NSL1: variants seen among roughly 807,000 people sequenced by gnomAD.
NSL1 encodes the protein NSL1 component of MIS12 kinetochore complex.
A neutral mutation model predicts 25.4 loss-of-function variants in NSL1; 11 were observed. That is an observed-to-expected ratio of 0.43 (90% CI 0.27 to 0.72). NSL1 has a LOEUF of 0.72. Ranked by LOEUF, NSL1 falls within the 30% of genes least tolerant of loss-of-function variation. The pLI is 0.19. For missense variants in NSL1, 330 were observed against 342.7 expected (o/e 0.96, Z 0.29); for synonymous variants, 118 against 120.6 (o/e 0.98, Z 0.14).
rs1660583736 is a variant in NSL1 at position 212,779,486 on chromosome 1, C to G, written c.499+2886G>C. On this transcript the variant is annotated intron_variant, in intron 4 of 5. Transcript: ENST00000366977. The stretch of plus-strand genomic sequence containing the variant: ...GTGAGGAGCCCCTCTGCACGGCCAG[C>G]CGCCCCGTCCGGGAGGGAGGTGGGG... Among the ~76,000 whole-genome samples the G allele has an allele frequency of 2.4e-5, 3 of 126,970 alleles. No individual in the cohort carries two copies. In the South Asian group the frequency reaches 7.9e-4, roughly 34 times the overall value. The allele number at this position is 126,970 out of a possible 152,430, so 83.3% of individuals were successfully genotyped here. A position where few individuals can be genotyped will look rare whatever the true frequency, so the allele number is the denominator to read the frequency against.
Position 212,733,924 on chromosome 1 carries a change from C to T in NSL1, c.*4484G>A, listed in dbSNP as rs1457253828. On this transcript the variant is annotated 3_prime_UTR_variant, in exon 6 of 6. Coordinates refer to ENST00000366977, the MANE Select transcript of NSL1 (RefSeq NM_015471.4). ...ATCTCTGGAATGGGTATCGATTAGA[C>T]TTTGAACTTTATGAACTTATTCTCT... Among the ~76,000 whole-genome samples the T allele has an allele frequency of 3.3e-5, 5 of 152,160 alleles. No homozygotes were observed. The highest frequency in any genetic ancestry group is 7.4e-5 in the Non-Finnish European group (5 of 68,024).
intron 4 of NSL1, among the ~76,000 whole-genome samples, chr1:212,749,163 A>G (rs147011466): frequency 3.3e-5 from 5 of 152,304 alleles, no homozygotes; most frequent in African/African-American, 1.2e-4. Context: ...ATACTGCAAT[A>G]TATGTGCACA....
chr1:212,776,483 G>A (rs1178609153), intron 4 of NSL1, among the ~76,000 whole-genome samples: 47 of 151,888 alleles, frequency 3.1e-4, no homozygotes, highest in Non-Finnish European at 1.5e-5. Flanking sequence ...GAGCCTGGGA[G>A]GTCAAGACTG....
At chr1:212,767,491 CT>C (rs1183422679) in intron 4 of NSL1, among the ~76,000 whole-genome samples, 2 of 152,290 alleles carry the variant, frequency 1.3e-5, no homozygotes, top group East Asian at 3.9e-4. Flanking sequence ...CAGACAAACT[CT>C]TCTAAACATT....
At chr1:212,746,177 A>G (rs1241564968) in intron 4 of NSL1, among the ~76,000 whole-genome samples, 2 of 152,200 alleles carry the variant, frequency 1.3e-5, no homozygotes, top group Non-Finnish European at 2.9e-5. Flanking sequence ...TTTTTTCTAC[A>G]TAATTTAAAA....
In NSL1 at chr1:212,731,735, G is replaced by T; in HGVS notation, c.*6673C>A. The T allele has an allele frequency of 1.0e-6, 1 of 985,306 alleles. No homozygotes were observed. Among genetic ancestry groups the T allele is most frequent in the Non-Finnish European group, 1.2e-6 (1 of 829,896 alleles). 61.0% of individuals were successfully genotyped at this position (985,306 alleles called of 1,614,324 possible). A position where few individuals can be genotyped will look rare whatever the true frequency, so the allele number is the denominator to read the frequency against. Reference sequence around the variant, plus strand: ...TAGACATCCACTGACTTCCAGTTGTGGTGGGTGAAGATTTCACTCCCCACT... The same window carrying T: ...TAGACATCCACTGACTTCCAGTTGTTGTGGGTGAAGATTTCACTCCCCACT... On this transcript the variant is annotated 3_prime_UTR_variant, in exon 6 of 6. Coordinates refer to ENST00000366977, the MANE Select transcript of NSL1 (RefSeq NM_015471.4).
Position 212,731,394 on chromosome 1 carries a change from A to G in NSL1, c.*7014T>C, listed in dbSNP as rs898572563. ...AATATGGCGAGACCCCATCTCTAAA[A>G]CAAATAAACTAGCCGGGCATGGTGG... On this transcript the variant is annotated 3_prime_UTR_variant, in exon 6 of 6. Coordinates refer to ENST00000366977, the MANE Select transcript of NSL1 (RefSeq NM_015471.4). 1 of 984,590 alleles carries G rather than the reference A, an allele frequency of 1.0e-6. No homozygotes were observed. Among genetic ancestry groups the G allele is most frequent in the Non-Finnish European group, 1.2e-6 (1 of 829,208 alleles). 61.0% of individuals were successfully genotyped at this position (984,590 alleles called of 1,614,324 possible).
rs2102453426 is a variant in NSL1 at position 212,760,906 on chromosome 1, C to T, written c.500-21305G>A. On this transcript the variant is annotated intron_variant, in intron 4 of 5. Coordinates refer to ENST00000366977, the MANE Select transcript of NSL1 (RefSeq NM_015471.4). This position sits in a 1 kb window ranked among gnomAD's most constrained non-coding sequence, Gnocchi z 4.3. Reference sequence around the variant, plus strand: ...GCCCAAGAACAGGCCTGCCTGGAGTCCCCATCCCAAGTAAAGACCTATCAT... The same window carrying T: ...GCCCAAGAACAGGCCTGCCTGGAGTTCCCATCCCAAGTAAAGACCTATCAT... Among the ~76,000 whole-genome samples the T allele has an allele frequency of 6.6e-6, 1 of 152,314 alleles. No homozygotes were observed. Among genetic ancestry groups the T allele is most frequent in the South Asian group, 2.1e-4 (1 of 4,832 alleles).
At chr1:212,743,184 G>A (rs1380179486) in intron 4 of NSL1, among the ~76,000 whole-genome samples, 3 of 148,234 alleles carry the variant, frequency 2.0e-5, no homozygotes. Flanking sequence ...CTTTTTTTTT[G>A]AGATGGAGTC....
rs71147019 is a variant in NSL1, at chr1:212,731,154, AATCT to A, written c.*7250_*7253del. ...TTTTCTTCAGAGACTTTCATAATATAATCTATTTGCAAAACAAATGGTCAGAGGG... is the reference window on the plus strand; with the variant it reads ...TTTTCTTCAGAGACTTTCATAATATAATTTGCAAAACAAATGGTCAGAGGG... On this transcript the variant is annotated 3_prime_UTR_variant, in exon 6 of 6. Coordinates refer to ENST00000366977, the MANE Select transcript of NSL1 (RefSeq NM_015471.4). 0.48 allele frequency: 471,777 copies of A among 982,730 alleles called. 116,799 individuals carry two copies. Among genetic ancestry groups the A allele is most frequent in the Non-Finnish European group, 0.5 (418,250 of 828,866 alleles). 60.9% of individuals were successfully genotyped at this position (982,730 alleles called of 1,614,324 possible).
chr1:212,730,734 T>TA lies in NSL1; in HGVS notation c.*7673dup. On this transcript the variant is annotated 3_prime_UTR_variant, in exon 6 of 6. Transcript: ENST00000366977. Reference sequence around the variant, plus strand: ...CCTGCAGGGATATGGGAATTAGACTTAGTTCTAGTAGACGTAGTTCTAGTA... The same window carrying TA: ...CCTGCAGGGATATGGGAATTAGACTTAAGTTCTAGTAGACGTAGTTCTAGTA... The TA allele has an allele frequency of 1.0e-6, 1 of 985,380 alleles. No homozygotes were observed. Among genetic ancestry groups the TA allele is most frequent in the South Asian group, 4.7e-5 (1 of 21,288 alleles). The allele number at this position is 985,380 out of a possible 1,614,324, so 61.0% of individuals were successfully genotyped here. A position where few individuals can be genotyped will look rare whatever the true frequency, so the allele number is the denominator to read the frequency against.
In NSL1 at chr1:212,729,197, A is replaced by G. The variant is rs923260495; in HGVS notation, c.*9211T>C. The G allele has an allele frequency of 8.1e-6, 8 of 985,358 alleles. No individual in the cohort carries two copies. Among genetic ancestry groups the G allele is most frequent in the African/African-American group, 7.0e-5 (4 of 57,256 alleles). The allele number at this position is 985,358 out of a possible 1,614,324, so 61.0% of individuals were successfully genotyped here. On this transcript the variant is annotated 3_prime_UTR_variant, in exon 6 of 6. Coordinates refer to ENST00000366977, the MANE Select transcript of NSL1 (RefSeq NM_015471.4). ...TAATTCCACAGAAGTTTCCAAACCCATGAGTTTCACTCTCAGGTTCCCTCT... is the reference window on the plus strand; with the variant it reads ...TAATTCCACAGAAGTTTCCAAACCCGTGAGTTTCACTCTCAGGTTCCCTCT...
In NSL1 at chr1:212,732,675, G is replaced by A. The variant is rs1414021041; in HGVS notation, c.*5733C>T. 1 of 985,086 alleles carries A rather than the reference G, an allele frequency of 1.0e-6. No individual in the cohort carries two copies. The highest frequency in any genetic ancestry group is 1.2e-6 in the Non-Finnish European group (1 of 829,804). 61.0% of individuals were successfully genotyped at this position (985,086 alleles called of 1,614,324 possible). A position where few individuals can be genotyped will look rare whatever the true frequency, so the allele number is the denominator to read the frequency against. On this transcript the variant is annotated 3_prime_UTR_variant, in exon 6 of 6. Transcript: ENST00000366977. ...TAGCCTGTAGACTCGAGTGTGCTGT[G>A]TTTTGGGAGCCTTAGTTTCCCAGAT...
chr1:212,779,007 C>T (rs1167629116), intron 4 of NSL1, among the ~76,000 whole-genome samples: 2 of 149,892 alleles, frequency 1.3e-5, no homozygotes, highest in African/African-American at 4.9e-5. Context: ...CGTCTCTGCC[C>T]GGCCGCCCAT....
intron 1 of NSL1, among the ~76,000 whole-genome samples, chr1:212,789,742 C>T (rs992899842): frequency 8.5e-5 from 13 of 152,174 alleles, no homozygotes; most frequent in African/African-American, 1.2e-4. Flanking sequence ...TCTTATAATT[C>T]ACTTTATCGT....
chr1:212,788,207 T>C (rs1661030414), intron 1 of NSL1, among the ~76,000 whole-genome samples: 1 of 152,170 alleles, frequency 6.6e-6, no homozygotes, highest in Admixed American at 6.5e-5. Context: ...TGAGGCCAGT[T>C]CCAGACCAGC....
rs1019841420 is a variant in NSL1, at chr1:212,733,125, G to C, written c.*5283C>G. Among the ~76,000 whole-genome samples, 8 of 152,108 alleles carry C rather than the reference G, an allele frequency of 5.3e-5. No homozygotes were observed. The highest frequency in any genetic ancestry group is 1.9e-4 in the African/African-American group (8 of 41,404). ...TCGTGAATCACCATAATCAAATTTA[G>C]AGGGTTTTCATCACCCTCAAAAGAC... On this transcript the variant is annotated 3_prime_UTR_variant, in exon 6 of 6. Coordinates refer to ENST00000366977, the MANE Select transcript of NSL1 (RefSeq NM_015471.4).
At chr1:212,745,548 A>T (rs1240620589) in intron 4 of NSL1, among the ~76,000 whole-genome samples, 1 of 152,216 alleles carries the variant, frequency 6.6e-6, no homozygotes, top group East Asian at 1.9e-4. Flanking sequence ...AGAATAGAGC[A>T]CTGGGAGGAT....
chr1:212,771,042 A>G (rs1660080887), intron 4 of NSL1, among the ~76,000 whole-genome samples: 1 of 152,224 alleles, frequency 6.6e-6, no homozygotes, highest in Admixed American at 6.5e-5. Flanking sequence ...GGCCAGGCGC[A>G]GCAGCTCACG....
Sources: allele counts gnomAD v4.1 joint callset (sites outside exome capture counted in the v4.1 genomes callset), GRCh38; gene constraint gnomAD v4.1.1; non-coding constraint Gnocchi (gnomAD v3.1); transcripts MANE v1.5; gene names NCBI Gene and HGNC (gene_info 2026-07-23, HGNC 2026-07-21).